The following CCDC25 variants were observed in gnomAD, a reference collection of about 807,000 sequenced individuals.
CCDC25 encodes coiled-coil domain-containing protein 25.
In CCDC25, 16 loss-of-function variants were observed where a neutral mutation model predicts 35.3. That is an observed-to-expected ratio of 0.45 (90% CI 0.31 to 0.69). The LOEUF (loss-of-function observed/expected upper bound fraction) is 0.69, where lower values mean the gene tolerates loss of function less well. CCDC25 is among the 30% of genes least tolerant of loss of function. CCDC25 has a pLI of 0.06. For synonymous variants in CCDC25, 79 were observed against 80.3 expected (o/e 0.98, Z 0.09); for missense variants, 179 against 250.7 (o/e 0.71, Z 1.93).
chr8:27,750,889 G>A (rs1221719719), intron 5 of CCDC25, among the ~76,000 whole-genome samples: 1 of 152,124 alleles, frequency 6.6e-6, no homozygotes, highest in African/African-American at 2.4e-5. Context: ...ATGGTAAACC[G>A]GGGGAAAACT....
intron 8 of CCDC25, among the ~76,000 whole-genome samples, chr8:27,738,650 A>G (rs1585338894): frequency 6.6e-6 from 1 of 151,834 alleles, no homozygotes; most frequent in East Asian, 1.9e-4. Context: ...CAACTCTAGA[A>G]TTATATACAA....
intron 7 of CCDC25, 152 bp from the exon 8 acceptor site, chr8:27,740,669 C>A: frequency 1.7e-6 from 1 of 600,254 alleles, no homozygotes; most frequent in South Asian, 2.4e-5. Flanking sequence ...AAGGAGATTG[C>A]AACATTCAAA....
chr8:27,740,388 G>T, intron 8 of CCDC25, 84 bp downstream of exon 8: 2 of 1,330,630 alleles, frequency 1.5e-6, no homozygotes, highest in Non-Finnish European at 2.1e-6. Context: ...AACATGTAAG[G>T]CAATAATGGC....
chr8:27,742,710 T>C (rs939140507), intron 7 of CCDC25, among the ~76,000 whole-genome samples: 1 of 152,118 alleles, frequency 6.6e-6, no homozygotes, highest in Admixed American at 6.5e-5. Context: ...ACTGAAAATA[T>C]ACAAAAATTA....
intron 3 of CCDC25, among the ~76,000 whole-genome samples, chr8:27,757,095 G>A (rs1407957425): frequency 6.6e-6 from 1 of 152,212 alleles, no homozygotes; most frequent in Non-Finnish European, 1.5e-5. Flanking sequence ...AAAGGAGGCA[G>A]TGAGATTTGG....
In CCDC25 at chr8:27,772,584, C is replaced by G. The variant is rs1045271214; in HGVS notation, c.-44G>C. 3.2e-6 allele frequency: 5 copies of G among 1,541,306 alleles called. No individual in the cohort carries two copies. Among genetic ancestry groups the G allele is most frequent in the South Asian group, 1.2e-5 (1 of 83,718 alleles). ...GTGACTCCACCGCGGAGCAGCAGCGCTCAACTCACGAAGCTCAGGATACCA... is the reference window on the plus strand; with the variant it reads ...GTGACTCCACCGCGGAGCAGCAGCGGTCAACTCACGAAGCTCAGGATACCA... On this transcript the variant is annotated 5_prime_UTR_variant, in exon 1 of 9. Transcript: ENST00000356537.
chr8:27,742,090 AG>A (rs1247839657), intron 7 of CCDC25, among the ~76,000 whole-genome samples: 1 of 151,540 alleles, frequency 6.6e-6, no homozygotes. Context: ...TGAAAAAAAT[AG>A]GAGAAATGGG....
rs1255322536 is a variant in CCDC25 at position 27,772,628 on chromosome 8, G to A, written c.-88C>T. 7.2e-6 allele frequency: 10 copies of A among 1,391,580 alleles called. No individual in the cohort carries two copies. The East Asian group carries it at 1.3e-4, about 18-fold the overall frequency. 86.2% of individuals were successfully genotyped at this position (1,391,580 alleles called of 1,614,324 possible). A position where few individuals can be genotyped will look rare whatever the true frequency, so the allele number is the denominator to read the frequency against. On this transcript the variant is annotated 5_prime_UTR_variant, in exon 1 of 9. Coordinates refer to ENST00000356537, the MANE Select transcript of CCDC25 (RefSeq NM_018246.3). ...GATACCAGACTCGCGGCGGCCGCCT[G>A]GCCCCCGGAACTCCTCCGTGCACTT...
chr8:27,752,056 G>C (rs1803830881), intron 5 of CCDC25, among the ~76,000 whole-genome samples: 1 of 152,120 alleles, frequency 6.6e-6, no homozygotes, highest in African/African-American at 2.4e-5. Context: ...AAGAGGAGGA[G>C]GGAAAGAAAA....
At chr8:27,741,008 G>C (rs980131072) in intron 7 of CCDC25, among the ~76,000 whole-genome samples, 1 of 152,196 alleles carries the variant, frequency 6.6e-6, no homozygotes, top group African/African-American at 2.4e-5. Context: ...GGGCATTTCA[G>C]ATCCAGAGAG....
In CCDC25 at chr8:27,748,672, C is replaced by G. The variant is rs563681976; in HGVS notation, c.245-74G>C. On this transcript the variant is annotated intron_variant, in intron 5 of 8. Coordinates refer to ENST00000356537, the MANE Select transcript of CCDC25 (RefSeq NM_018246.3). Reference sequence around the variant, plus strand: ...ATGTGTTCCCTTACCCACTGGCAAACTGCCATAAGCCAACAAGGGAAACGG... The same window carrying G: ...ATGTGTTCCCTTACCCACTGGCAAAGTGCCATAAGCCAACAAGGGAAACGG... The G allele has an allele frequency of 2.9e-5, 31 of 1,062,498 alleles. No homozygotes were observed. In the South Asian group the frequency reaches 3.7e-4, roughly 13 times the overall value. The allele number at this position is 1,062,498 out of a possible 1,614,324, so 65.8% of individuals were successfully genotyped here.
At chr8:27,744,025 G>A (rs1167132955) in intron 7 of CCDC25, among the ~76,000 whole-genome samples, 1 of 152,206 alleles carries the variant, frequency 6.6e-6, no homozygotes, top group East Asian at 1.9e-4. Flanking sequence ...CAATGAGACT[G>A]GGAATTATTT....
At chr8:27,750,781 C>T (rs1378501158) in intron 5 of CCDC25, among the ~76,000 whole-genome samples, 1 of 152,208 alleles carries the variant, frequency 6.6e-6, no homozygotes, top group Non-Finnish European at 1.5e-5. Context: ...GAACACAGAA[C>T]AGGCTGACCT....
At chr8:27,767,687 A>T (rs1301390194) in intron 1 of CCDC25, among the ~76,000 whole-genome samples, 3 of 152,234 alleles carry the variant, frequency 2.0e-5, no homozygotes, top group African/African-American at 7.2e-5. Flanking sequence ...TGGGTACGGA[A>T]TAAAGCCTGT....
At chr8:27,757,760 C>T (rs374630373) in intron 3 of CCDC25, among the ~76,000 whole-genome samples, 7 of 152,110 alleles carry the variant, frequency 4.6e-5, no homozygotes, top group East Asian at 1.9e-4. Context: ...TTTGGATTTG[C>T]GTCCCCACCA....
rs11995056 is a variant in CCDC25, at chr8:27,744,644, C to A, written c.551+3433G>T. 4.1e-3 allele frequency among the ~76,000 whole-genome samples: 630 copies of A among 152,328 alleles called. 5 individuals are homozygous for A. The highest frequency in any genetic ancestry group is 0.015 in the African/African-American group (611 of 41,576). The stretch of plus-strand genomic sequence containing the variant: ...TCTTTATCACTTACAACATGAAATT[C>A]TGGACTAAACCTTTTAAGTCACTCT... On this transcript the variant is annotated intron_variant, in intron 7 of 8. Transcript: ENST00000356537.
chr8:27,742,092 G>A (rs1189646005), intron 7 of CCDC25, among the ~76,000 whole-genome samples: 1 of 152,190 alleles, frequency 6.6e-6, no homozygotes, highest in African/African-American at 2.4e-5. Context: ...AAAAAAATAG[G>A]AGAAATGGGA....
At position 27,733,829 on chromosome 8, in the gene CCDC25, C is replaced by T. The variant is rs774097777; in HGVS notation, c.*2387G>A. 3 of 152,188 alleles carry T rather than the reference C, an allele frequency of 2.0e-5. No individual in the cohort carries two copies. The highest frequency in any genetic ancestry group is 6.5e-5 in the Admixed American group (1 of 15,282). 9.4% of individuals were successfully genotyped at this position (152,188 alleles called of 1,614,324 possible). On this transcript the variant is annotated 3_prime_UTR_variant, in exon 9 of 9. Coordinates refer to ENST00000356537, the MANE Select transcript of CCDC25 (RefSeq NM_018246.3). ...CAGTTTTCCTCATAAACGGTTCCAG[C>T]TTGGAAAACAAGAGCTTCCCCTCTC...
intron 2 of CCDC25, 43 bp downstream of exon 2, chr8:27,765,161 T>C: frequency 1.4e-6 from 2 of 1,479,090 alleles, no homozygotes; most frequent in South Asian, 2.5e-5. Flanking sequence ...AGATAACACT[T>C]ACCTGCTGAA....
Sources: allele counts gnomAD v4.1 joint callset (sites outside exome capture counted in the v4.1 genomes callset), GRCh38; gene constraint gnomAD v4.1.1; transcripts MANE v1.5; gene names NCBI Gene and HGNC (gene_info 2026-07-23, HGNC 2026-07-21).